FRMD6: variants seen among roughly 807,000 people sequenced by gnomAD.
FRMD6 encodes FERM domain-containing protein 6.
Under a neutral mutation model 73.2 loss-of-function variants are expected in FRMD6, and 37 were observed. The observed-to-expected ratio is 0.51, with a 90% CI of 0.39 to 0.66. The LOEUF is 0.66. FRMD6 is among the 30% of genes least tolerant of loss of function. The probability of loss-of-function intolerance (pLI) is 0.00; values close to 1 mark genes in which losing one functional copy is unlikely to be tolerated. For synonymous variants in FRMD6, 273 were observed against 282.2 expected (o/e 0.97, Z 0.33); for missense variants, 714 against 780.5 (o/e 0.91, Z 1.02).
the FRMD6 span, among the ~76,000 whole-genome samples, chr14:51,437,360 T>C: frequency 6.6e-6 from 1 of 151,708 alleles, no homozygotes; most frequent in African/African-American, 2.4e-5. Context: ...TGGAGTGCAG[T>C]GGCGCGATCT....
chr14:51,439,278 G>C, the FRMD6 span, among the ~76,000 whole-genome samples: 76,707 of 151,930 alleles, frequency 0.5, 19,702 homozygotes, highest in East Asian at 0.68. Flanking sequence ...TAGGAATCAG[G>C]AATCTTGCTC....
intron 2 of FRMD6, among the ~76,000 whole-genome samples, chr14:51,628,091 AT>A (rs1002030053): frequency 3.9e-5 from 6 of 152,074 alleles, no homozygotes; most frequent in African/African-American, 1.2e-4. Flanking sequence ...TATAGATGCA[AT>A]TTTTTTTCCA....
chr14:51,552,583 G>T (rs1257478591), intron 1 of FRMD6, among the ~76,000 whole-genome samples: 1 of 152,200 alleles, frequency 6.6e-6, no homozygotes, highest in Non-Finnish European at 1.5e-5. Context: ...TTTCCAAAAG[G>T]CAGCCACTAC....
At chr14:51,621,858 C>T (rs1342116943) in intron 2 of FRMD6, among the ~76,000 whole-genome samples, 5 of 152,188 alleles carry the variant, frequency 3.3e-5, no homozygotes, top group Admixed American at 2.6e-4. Context: ...ATAACTGAAA[C>T]TCCCCATCTG....
intron 11 of FRMD6, 52 bp downstream of exon 11, chr14:51,720,442 A>G (rs1897487631): frequency 1.3e-6 from 2 of 1,552,312 alleles, no homozygotes; most frequent in South Asian, 2.3e-5. Flanking sequence ...CAGTTTTTTC[A>G]AGCATTGGTT....
chr14:51,448,419 C>T, the FRMD6 span, among the ~76,000 whole-genome samples: 24 of 152,324 alleles, frequency 1.6e-4, no homozygotes, highest in Admixed American at 1.6e-3. Flanking sequence ...AAGCTCCTTA[C>T]AGTGAGGGAC....
rs746705103 is a variant in FRMD6 at position 51,702,627 on chromosome 14, C to T, written c.371+39C>T. On this transcript the variant is annotated intron_variant, in intron 5 of 13. Coordinates refer to ENST00000344768, the MANE Select transcript of FRMD6 (RefSeq NM_001267046.2). ...GGGTGATTCTAAACGCTTTTTTTTCCCCCATAGCACTTTTTCTAACATACC... is the reference window on the plus strand; with the variant it reads ...GGGTGATTCTAAACGCTTTTTTTTCTCCCATAGCACTTTTTCTAACATACC... 39 of 1,490,310 alleles carry T rather than the reference C, an allele frequency of 2.6e-5. 1 individual carries two copies. The highest frequency in any genetic ancestry group is 1.4e-4 in the South Asian group (12 of 85,740). The allele number at this position is 1,490,310 out of a possible 1,614,324, so 92.3% of individuals were successfully genotyped here. A position where few individuals can be genotyped will look rare whatever the true frequency, so the allele number is the denominator to read the frequency against.
chr14:51,656,186 A>G (rs1594669570), intron 1 of FRMD6, among the ~76,000 whole-genome samples: 1 of 152,308 alleles, frequency 6.6e-6, no homozygotes, highest in East Asian at 1.9e-4. Flanking sequence ...GTATATATCA[A>G]ATGGAACAGA....
intron 1 of FRMD6, among the ~76,000 whole-genome samples, chr14:51,549,520 G>T (rs1023827308): frequency 1.3e-5 from 2 of 150,946 alleles, no homozygotes; most frequent in Admixed American, 6.6e-5. Flanking sequence ...CTGCATTAGT[G>T]CCCTCTATTG....
At chr14:51,507,662 C>A (rs1460222793) in intron 1 of FRMD6, among the ~76,000 whole-genome samples, 3 of 152,118 alleles carry the variant, frequency 2.0e-5, no homozygotes. Context: ...CTCCCTTCCC[C>A]ACTAATGTGT....
At chr14:51,442,529 G>C in the FRMD6 span, among the ~76,000 whole-genome samples, 1 of 152,080 alleles carries the variant, frequency 6.6e-6, no homozygotes, top group Non-Finnish European at 1.5e-5. Flanking sequence ...TTCTATTCTA[G>C]CAAACTTCTA....
chr14:51,724,241 G>A (rs1474387418), intron 12 of FRMD6: 1 of 151,736 alleles, frequency 6.6e-6, no homozygotes, highest in Non-Finnish European at 1.5e-5. Flanking sequence ...CTAAGATTGA[G>A]TAGTGATGAA....
rs1048420277 is a variant in FRMD6 at position 51,639,153 on chromosome 14, C to T, written c.-146-50538C>T. Among the ~76,000 whole-genome samples the T allele has an allele frequency of 5.9e-5, 9 of 151,922 alleles. No homozygotes were observed. In the South Asian group the frequency reaches 8.3e-4, roughly 14 times the overall value. On this transcript the variant is annotated intron_variant, in intron 2 of 14. Coordinates refer to the FRMD6 transcript ENST00000356218. The stretch of plus-strand genomic sequence containing the variant: ...AAAAATTATTTACATACTTCTCTGC[C>T]GAGTTCACACACAAAAATAATTATT...
intron 12 of FRMD6, among the ~76,000 whole-genome samples, chr14:51,722,864 C>T (rs1014242403): frequency 2.2e-4 from 33 of 152,312 alleles, no homozygotes; most frequent in Middle Eastern, 3.4e-3. Flanking sequence ...GTAGCCTGTC[C>T]CTGCTCTGGC....
chr14:51,596,894 G>C (rs1018562018), intron 2 of FRMD6, among the ~76,000 whole-genome samples: 1 of 152,124 alleles, frequency 6.6e-6, no homozygotes, highest in Admixed American at 6.5e-5. Context: ...GTATACGTGG[G>C]GTCCTCAGAT....
chr14:51,573,932 C>A (rs900891435), intron 2 of FRMD6, among the ~76,000 whole-genome samples: 6 of 152,112 alleles, frequency 3.9e-5, no homozygotes, highest in African/African-American at 1.4e-4. Context: ...GACAAGATTG[C>A]TTTCTAGGAG....
chr14:51,718,193 G>T (rs1897336372), intron 10 of FRMD6, among the ~76,000 whole-genome samples: 1 of 152,166 alleles, frequency 6.6e-6, no homozygotes, highest in African/African-American at 2.4e-5. Context: ...TCTGGAAAGG[G>T]TCTGGTACAG....
At chr14:51,641,704 A>G (rs1454153531) in intron 2 of FRMD6, among the ~76,000 whole-genome samples, 1 of 152,036 alleles carries the variant, frequency 6.6e-6, no homozygotes, top group Non-Finnish European at 1.5e-5. Context: ...GGGCACCTCA[A>G]TGTTCCAGTC....
At chr14:51,616,843 G>A (rs897720175) in intron 2 of FRMD6, among the ~76,000 whole-genome samples, 1 of 152,202 alleles carries the variant, frequency 6.6e-6, no homozygotes, top group Non-Finnish European at 1.5e-5. Flanking sequence ...AGAAGCAAAG[G>A]AACCAGATAT....
Sources: allele counts gnomAD v4.1 joint callset (sites outside exome capture counted in the v4.1 genomes callset), GRCh38; gene constraint gnomAD v4.1.1; transcripts MANE v1.5; gene names NCBI Gene and HGNC (gene_info 2026-07-23, HGNC 2026-07-21).